NDP: variants seen among roughly 807,000 people sequenced by gnomAD.
NDP encodes norrin cystine knot growth factor NDP.
NDP carries 2 observed loss-of-function variants against 8.4 expected under a neutral mutation model. That is an observed-to-expected ratio of 0.24 (90% CI 0.10 to 0.75). NDP has a LOEUF of 0.75. Ranked by LOEUF, NDP falls within the 30% of genes least tolerant of loss-of-function variation. The pLI is 0.73. For synonymous variants in NDP, 55 were observed against 45.6 expected (o/e 1.21, Z -0.83); for missense variants, 81 against 110.1 (o/e 0.74, Z 1.18).
intron 2 of NDP, among the ~76,000 whole-genome samples, chrX:43,952,830 G>A (rs2035770635): frequency 9.0e-6 from 1 of 111,241 alleles, no homozygotes; most frequent in African/African-American, 3.3e-5. Flanking sequence ...TCTTGAAGAG[G>A]AGTCAAGGCC....
intron 1 of NDP, among the ~76,000 whole-genome samples, chrX:43,969,009 C>T (rs780034607): frequency 5.4e-5 from 6 of 111,508 alleles, no homozygotes; most frequent in Non-Finnish European, 9.4e-5. Flanking sequence ...TGTTTAATAC[C>T]TTTTGGTCCC....
chrX:43,949,445 C>T lies in NDP; in HGVS notation c.*354G>A. The T allele has an allele frequency of 4.2e-6, 1 of 237,620 alleles. No homozygotes were observed. The highest frequency in any genetic ancestry group is 7.6e-6 in the Non-Finnish European group (1 of 131,054). 19.6% of individuals were successfully genotyped at this position (237,620 alleles called of 1,213,427 possible). Reference sequence around the variant, plus strand: ...CTTTCCAAAGTAAATTCTTCCCCAGCGTGCACCAAACACTGACAGCCTGAC... The same window carrying T: ...CTTTCCAAAGTAAATTCTTCCCCAGTGTGCACCAAACACTGACAGCCTGAC... On this transcript the variant is annotated 3_prime_UTR_variant, in exon 3 of 3. Coordinates refer to ENST00000642620, the MANE Select transcript of NDP (RefSeq NM_000266.4).
chrX:43,972,384 T>G (rs191228780), intron 1 of NDP, among the ~76,000 whole-genome samples: 25 of 111,057 alleles, frequency 2.3e-4, no homozygotes, highest in Non-Finnish European at 4.7e-4. Flanking sequence ...GAAAGAGTTA[T>G]GCCCAGGCCT....
At chrX:43,953,152 A>G (rs1364263849) in intron 2 of NDP, among the ~76,000 whole-genome samples, 1 of 111,115 alleles carries the variant, frequency 9.0e-6, no homozygotes, top group Non-Finnish European at 1.9e-5. Flanking sequence ...ACACACACAC[A>G]CACACACTCC....
intron 1 of NDP, among the ~76,000 whole-genome samples, chrX:43,968,478 C>T (rs1230429443): frequency 8.9e-6 from 1 of 112,768 alleles, no homozygotes; most frequent in East Asian, 2.8e-4. Context: ...TCCAGCCTCC[C>T]CTGCCCTGCT....
At chrX:43,957,956 G>A (rs1027341380) in intron 2 of NDP, among the ~76,000 whole-genome samples, 2 of 108,765 alleles carry the variant, frequency 1.8e-5, no homozygotes, top group African/African-American at 3.4e-5. Context: ...ATTTGGATAA[G>A]CAATGTAAAA....
In NDP at chrX:43,949,857, C is replaced by A; in HGVS notation, c.344G>T (p.Arg115Leu). ...ALRLRCSGGM[R>L]LTATYRYILS... ...GATGTACCGGTAGGTGGCAGTGAGT[C>A]GCATGCCCCCTGAGCATCGCAGCCG... Residue 115 changes from arginine (R) to leucine (L), a missense_variant, in exon 3 of 3, where the codon CGA becomes CTA. Arg to Leu is a moderately radical substitution (Grantham distance 102, BLOSUM62 -2). Coordinates refer to ENST00000642620, the MANE Select transcript of NDP (RefSeq NM_000266.4). The A allele has an allele frequency of 1.7e-6, 2 of 1,191,373 alleles. No homozygotes were observed. The highest frequency in any genetic ancestry group is 3.1e-5 in the East Asian group (1 of 32,663).
At chrX:43,951,239 C>T (rs1220021649) in intron 2 of NDP, among the ~76,000 whole-genome samples, 1 of 108,601 alleles carries the variant, frequency 9.2e-6, no homozygotes, top group African/African-American at 3.4e-5. Flanking sequence ...ATAGCATGAC[C>T]GTGTCTCTAA....
chrX:43,957,623 A>C, intron 2 of NDP, among the ~76,000 whole-genome samples: 1 of 110,131 alleles, frequency 9.1e-6, no homozygotes, highest in Non-Finnish European at 1.9e-5. Context: ...AAAAATTCTT[A>C]ATTATACTGG....
chrX:43,949,858 G>T lies in NDP; in HGVS notation c.343C>A (p.Arg115=), dbSNP rs779079304. 2.5e-6 allele frequency: 3 copies of T among 1,192,045 alleles called. No homozygotes were observed. Among genetic ancestry groups the T allele is most frequent in the Non-Finnish European group, 3.4e-6 (3 of 885,735 alleles). ...ATGTACCGGTAGGTGGCAGTGAGTCGCATGCCCCCTGAGCATCGCAGCCGC... is the reference window on the plus strand; with the variant it reads ...ATGTACCGGTAGGTGGCAGTGAGTCTCATGCCCCCTGAGCATCGCAGCCGC... ...ALRLRCSGGM[R]LTATYRYILS... Residue 115 remains arginine, a synonymous_variant, in exon 3 of 3, where the codon CGA becomes AGA. Coordinates refer to ENST00000642620, the MANE Select transcript of NDP (RefSeq NM_000266.4).
intron 1 of NDP, among the ~76,000 whole-genome samples, chrX:43,969,227 A>G (rs1343867382): frequency 1.8e-5 from 2 of 112,232 alleles, no homozygotes; most frequent in Non-Finnish European, 3.8e-5. Flanking sequence ...GGATCAACCC[A>G]GAATATATTT....
Position 43,950,476 on chromosome X carries a change from A to G in NDP, c.175-450T>C, listed in dbSNP as rs984717823. Among the ~76,000 whole-genome samples the G allele has an allele frequency of 5.0e-4, 55 of 109,710 alleles. 1 individual carries two copies. Among genetic ancestry groups the G allele is most frequent in the Middle Eastern group, 9.4e-3 (2 of 212 alleles). On this transcript the variant is annotated intron_variant, in intron 2 of 2. Coordinates refer to ENST00000642620, the MANE Select transcript of NDP (RefSeq NM_000266.4). ...TGACTACCAAAAAAAAAAAAAAAAA[A>G]AAGAAATTGATTTGTGCAGGAAATA...
Position 43,960,249 on chromosome X carries a change from G to A in NDP, c.-207-1397C>T, listed in dbSNP as rs1446830658. On this transcript the variant is annotated intron_variant, in intron 1 of 2. Coordinates refer to ENST00000642620, the MANE Select transcript of NDP (RefSeq NM_000266.4). ...GTCCTGGCACTGCCATTAATTAGCT[G>A]GGGAAGCCTTACACAAGTCATTCAA... 2.7e-5 allele frequency among the ~76,000 whole-genome samples: 3 copies of A among 111,784 alleles called. No homozygotes were observed. The Admixed American group carries it at 2.8e-4, about 11-fold the overall frequency.
At chrX:43,971,074 T>A (rs1171945391) in intron 1 of NDP, among the ~76,000 whole-genome samples, 1 of 111,920 alleles carries the variant, frequency 8.9e-6, no homozygotes, top group African/African-American at 3.3e-5. Flanking sequence ...TAATTCTTTA[T>A]AACAGGAAAG....
intron 1 of NDP, among the ~76,000 whole-genome samples, chrX:43,972,806 C>A (rs776832919): frequency 8.9e-6 from 1 of 112,552 alleles, no homozygotes; most frequent in Non-Finnish European, 1.9e-5. Flanking sequence ...CTGAGCACTC[C>A]GGCAGAGCCC....
At chrX:43,955,410 G>C (rs1238972680) in intron 2 of NDP, among the ~76,000 whole-genome samples, 1 of 112,066 alleles carries the variant, frequency 8.9e-6, no homozygotes, top group East Asian at 2.8e-4. Context: ...AAAGAAGGAA[G>C]TTACTGAACT....
intron 1 of NDP, among the ~76,000 whole-genome samples, chrX:43,959,572 T>C (rs1397260335): frequency 3.6e-5 from 4 of 111,844 alleles, no homozygotes; most frequent in South Asian, 3.8e-4. Flanking sequence ...AAGAAAGCAG[T>C]TGTTGGAACA....
At chrX:43,967,058 A>G (rs1328457348) in intron 1 of NDP, among the ~76,000 whole-genome samples, 1 of 111,334 alleles carries the variant, frequency 9.0e-6, no homozygotes, top group Non-Finnish European at 1.9e-5. Flanking sequence ...TAAAAATCAC[A>G]TAAAAATACG....
At chrX:43,966,720 G>A (rs1000037980) in intron 1 of NDP, 5 of 111,976 alleles carry the variant, frequency 4.5e-5, no homozygotes, top group African/African-American at 1.6e-4. Context: ...GGTGACCAAT[G>A]TTAGCTCAGG....
Sources: allele counts gnomAD v4.1 joint callset (sites outside exome capture counted in the v4.1 genomes callset), GRCh38; gene constraint gnomAD v4.1.1; transcripts MANE v1.5; gene names NCBI Gene and HGNC (gene_info 2026-07-23, HGNC 2026-07-21).